Variants in MAN2A1 observed in about 807,000 individuals in gnomAD.
The protein encoded by MAN2A1 is mannosidase alpha class 2A member 1.
In MAN2A1, 76 loss-of-function variants were observed where a neutral mutation model predicts 142.6. The observed-to-expected ratio is 0.53, with a 90% CI of 0.44 to 0.65. The LOEUF is 0.65. Ranked by LOEUF, MAN2A1 falls within the 30% of genes least tolerant of loss-of-function variation. The pLI is 0.00. For synonymous variants in MAN2A1, 559 were observed against 473.2 expected, an observed-to-expected ratio of 1.18 and a Z score of -2.35; for missense variants, 1,311 against 1,365.1, an observed-to-expected ratio of 0.96 and a Z score of 0.62.
At chr5:109,807,020 T>A (rs1754182836) in intron 12 of MAN2A1, among the ~76,000 whole-genome samples, 1 of 152,120 alleles carries the variant, frequency 6.6e-6, no homozygotes. Context: ...GCTGAAAGAG[T>A]GTTCTGTACC....
chr5:109,851,722 AC>A (rs1194375831), intron 19 of MAN2A1, among the ~76,000 whole-genome samples: 14 of 152,130 alleles, frequency 9.2e-5, no homozygotes, highest in Non-Finnish European at 2.9e-5. Flanking sequence ...TGTTTCTTTG[AC>A]GGTTTATCCT....
At chr5:109,707,422 C>G (rs1425379661) in intron 1 of MAN2A1, among the ~76,000 whole-genome samples, 1 of 151,918 alleles carries the variant, frequency 6.6e-6, no homozygotes, top group African/African-American at 2.4e-5. Context: ...ACCTAAGGTC[C>G]TGCTGTGTGC....
intron 12 of MAN2A1, among the ~76,000 whole-genome samples, chr5:109,793,388 AT>A (rs1483207417): frequency 6.6e-6 from 1 of 152,176 alleles, no homozygotes; most frequent in African/African-American, 2.4e-5. Context: ...TGCCTGTGGT[AT>A]TATATGCAAC....
chr5:109,758,594 A>G (rs921902163), intron 5 of MAN2A1, among the ~76,000 whole-genome samples: 4 of 150,946 alleles, frequency 2.6e-5, no homozygotes, highest in African/African-American at 9.7e-5. Flanking sequence ...AATTATAAAG[A>G]TGTACTACTG....
intron 1 of MAN2A1, among the ~76,000 whole-genome samples, chr5:109,711,002 A>G (rs2112558543): frequency 6.6e-6 from 1 of 151,624 alleles, no homozygotes; most frequent in South Asian, 2.1e-4. Context: ...TAATTTTTGT[A>G]TTTTTAGTAG....
intron 12 of MAN2A1, among the ~76,000 whole-genome samples, chr5:109,800,363 C>T (rs768986509): frequency 6.6e-5 from 10 of 152,178 alleles, no homozygotes; most frequent in Non-Finnish European, 1.0e-4. Context: ...AACCTCTTGC[C>T]GGTATGGGTT....
chr5:109,752,655 G>C (rs724214), intron 4 of MAN2A1, among the ~76,000 whole-genome samples: 26,684 of 152,134 alleles, frequency 0.18, 3,294 homozygotes, highest in East Asian at 0.64. Context: ...TCTCTGAGCT[G>C]AGCTATGAGG....
intron 20 of MAN2A1, among the ~76,000 whole-genome samples, chr5:109,861,523 AT>A (rs1755759530): frequency 6.6e-6 from 1 of 152,182 alleles, no homozygotes; most frequent in Non-Finnish European, 1.5e-5. Context: ...CATATCTAAA[AT>A]TGTCTGTTTG....
chr5:109,849,285 A>G (rs1403616133), intron 19 of MAN2A1, among the ~76,000 whole-genome samples: 3 of 152,154 alleles, frequency 2.0e-5, no homozygotes, highest in African/African-American at 4.8e-5. Context: ...CCACTAATAC[A>G]TATCTCCAAC....
chr5:109,786,795 A>G (rs1753606001), intron 10 of MAN2A1, among the ~76,000 whole-genome samples: 1 of 152,062 alleles, frequency 6.6e-6, no homozygotes. Flanking sequence ...GAACAAGTTT[A>G]TGAATTAGGG....
intron 4 of MAN2A1, among the ~76,000 whole-genome samples, chr5:109,745,739 C>T (rs1752385293): frequency 6.6e-6 from 1 of 152,104 alleles, no homozygotes; most frequent in Non-Finnish European, 1.5e-5. Context: ...ACCTCAGACT[C>T]CTGAGTAGCT....
At chr5:109,712,446 C>T (rs1375396537) in intron 1 of MAN2A1, among the ~76,000 whole-genome samples, 2 of 152,076 alleles carry the variant, frequency 1.3e-5, no homozygotes, top group African/African-American at 2.4e-5. Context: ...GGCTGACATC[C>T]CTTCCATGAT....
At chr5:109,861,513 CAT>C (rs1180869202) in intron 20 of MAN2A1, among the ~76,000 whole-genome samples, 2 of 152,174 alleles carry the variant, frequency 1.3e-5, no homozygotes, top group African/African-American at 2.4e-5. Flanking sequence ...TTAAAAATAA[CAT>C]ATCTAAAATT....
chr5:109,809,193 T>TC (rs1754254480), intron 12 of MAN2A1, among the ~76,000 whole-genome samples: 1 of 152,204 alleles, frequency 6.6e-6, no homozygotes, highest in African/African-American at 2.4e-5. Context: ...AAGTTATTTT[T>TC]CTCTTCTTTC....
intron 4 of MAN2A1, among the ~76,000 whole-genome samples, chr5:109,741,260 C>G (rs1752259903): frequency 6.6e-6 from 1 of 152,176 alleles, no homozygotes; most frequent in African/African-American, 2.4e-5. Flanking sequence ...CTAAAGTTCT[C>G]TCTCTTCTAG....
At chr5:109,740,840 T>A (rs910176222) in intron 4 of MAN2A1, among the ~76,000 whole-genome samples, 7 of 152,220 alleles carry the variant, frequency 4.6e-5, no homozygotes, top group African/African-American at 1.7e-4. Flanking sequence ...ATGCTGCCAA[T>A]TTTATGGCCT....
At chr5:109,737,414 T>C (rs1752135681) in intron 4 of MAN2A1, among the ~76,000 whole-genome samples, 1 of 150,652 alleles carries the variant, frequency 6.6e-6, no homozygotes, top group African/African-American at 2.5e-5. Context: ...GTCCCTGGCC[T>C]GTATACTTTT....
intron 3 of MAN2A1, among the ~76,000 whole-genome samples, chr5:109,726,827 A>G (rs1195779850): frequency 6.6e-6 from 1 of 152,198 alleles, no homozygotes; most frequent in East Asian, 1.9e-4. Flanking sequence ...ATTTGGAGGC[A>G]TTTCACTATT....
chr5:109,779,956 T>G (rs1297201187), intron 8 of MAN2A1, among the ~76,000 whole-genome samples: 2 of 152,246 alleles, frequency 1.3e-5, no homozygotes, highest in East Asian at 3.8e-4. Context: ...ATATTTGCCT[T>G]ATCAGTATCA....
Sources: gnomAD v4.1 joint callset for allele counts (sites outside exome capture counted in the v4.1 genomes callset) on GRCh38, gnomAD v4.1.1 for gene constraint, MANE v1.5 for transcripts, NCBI Gene and HGNC (gene_info 2026-07-23, HGNC 2026-07-21) for gene names.